The following OXR1 variants were observed in gnomAD, a reference collection of about 807,000 sequenced individuals.
OXR1 encodes oxidation resistance protein 1.
OXR1 carries 41 observed loss-of-function variants against 104.6 expected under a neutral mutation model. That is an observed-to-expected ratio of 0.39 (90% CI 0.31 to 0.51). The LOEUF (loss-of-function observed/expected upper bound fraction) is 0.51, where lower values mean the gene tolerates loss of function less well. Ranked by LOEUF, OXR1 falls within the 20% of genes least tolerant of loss-of-function variation. The probability of loss-of-function intolerance (pLI) is 0.77; values close to 1 mark genes in which losing one functional copy is unlikely to be tolerated. For synonymous variants in OXR1, 348 were observed against 348.4 expected (o/e 1.00, Z 0.01); for missense variants, 955 against 1,031.9 (o/e 0.93, Z 1.02).
intron 10 of OXR1, among the ~76,000 whole-genome samples, chr8:106,713,011 A>G (rs1233852892): frequency 6.6e-6 from 1 of 151,976 alleles, no homozygotes; most frequent in Admixed American, 6.6e-5. Flanking sequence ...AAACTGCTGC[A>G]TAGATAGTGA....
chr8:106,611,153 A>G (rs1193848172), intron 3 of OXR1, among the ~76,000 whole-genome samples: 2 of 152,216 alleles, frequency 1.3e-5, no homozygotes, highest in Non-Finnish European at 1.5e-5. Flanking sequence ...ACACCCCTCT[A>G]AAGAGGAGGT....
Position 106,697,594 on chromosome 8 carries a change from T to C in OXR1, c.675+4717T>C, listed in dbSNP as rs543664865. 2.5e-6 allele frequency: 4 copies of C among 1,611,898 alleles called. No homozygotes were observed. The East Asian group carries it at 6.7e-5, about 27-fold the overall frequency. ...GGGATCCCCAGAGAAGAGCCCATCA[T>C]CCCAGGCTACTGCCAACCCACCCAG... On this transcript the variant is annotated intron_variant, in intron 7 of 16. Transcript: ENST00000517566.
intron 2 of OXR1, among the ~76,000 whole-genome samples, chr8:106,429,521 A>C (rs1819272699): frequency 6.6e-6 from 1 of 151,948 alleles, no homozygotes; most frequent in South Asian, 2.1e-4. Flanking sequence ...TTAGCCAGGC[A>C]TGGTAGTGTG....
intron 16 of OXR1, among the ~76,000 whole-genome samples, chr8:106,748,298 G>T (rs1237897258): frequency 6.6e-6 from 1 of 152,136 alleles, no homozygotes; most frequent in Non-Finnish European, 1.5e-5. Context: ...GGGGCATTTT[G>T]GGGACGATAT....
chr8:106,416,333 G>A (rs879294777), intron 2 of OXR1, among the ~76,000 whole-genome samples: 2 of 151,948 alleles, frequency 1.3e-5, no homozygotes, highest in Non-Finnish European at 2.9e-5. Flanking sequence ...TTTCTATATT[G>A]TCATTTTAAA....
rs142325178 is a variant in OXR1 at position 106,457,233 on chromosome 8, C to T, written c.24-61710C>T. Among the ~76,000 whole-genome samples, 7 of 152,174 alleles carry T rather than the reference C, an allele frequency of 4.6e-5. No individual in the cohort carries two copies. In the East Asian group the frequency reaches 1.4e-3, roughly 29 times the overall value. On this transcript the variant is annotated intron_variant, in intron 2 of 16. Coordinates refer to ENST00000517566, the MANE Select transcript of OXR1 (RefSeq NM_001198533.2). ...TCCCAGAAGTGGGTTAGTTAGTTGT[C>T]TTGGGATAGGTTTCTGATAAAAAGA...
intron 2 of OXR1, among the ~76,000 whole-genome samples, chr8:106,439,242 T>C (rs891359272): frequency 7.9e-5 from 12 of 151,878 alleles, no homozygotes; most frequent in African/African-American, 2.9e-4. Context: ...GGTGATGGGA[T>C]TAAGTGCCCT....
chr8:106,658,649 G>A (rs2131070727), intron 3 of OXR1, among the ~76,000 whole-genome samples: 1 of 152,298 alleles, frequency 6.6e-6, no homozygotes, highest in South Asian at 2.1e-4. Context: ...AAAATAAAAA[G>A]CCAGATACTT....
chr8:106,498,975 ACAAGG>A (rs1811593946), intron 2 of OXR1, among the ~76,000 whole-genome samples: 1 of 22,220 alleles, frequency 4.5e-5, no homozygotes, highest in African/African-American at 1.9e-4. Flanking sequence ...ATCCTGGCTA[ACAAGG>A]TGAAACCCCG....
chr8:106,355,691 GT>G (rs962475143), intron 1 of OXR1, among the ~76,000 whole-genome samples: 23 of 151,698 alleles, frequency 1.5e-4, no homozygotes, highest in Non-Finnish European at 2.2e-4. Flanking sequence ...AAACATGTAA[GT>G]TTTTTTTCTT....
chr8:106,665,199 T>TCA (rs139048099), intron 3 of OXR1, among the ~76,000 whole-genome samples: 20 of 150,890 alleles, frequency 1.3e-4, no homozygotes, highest in South Asian at 6.3e-4. Context: ...CAGGGCACAG[T>TCA]CACACACACA....
intron 2 of OXR1, among the ~76,000 whole-genome samples, chr8:106,487,116 C>T (rs1810715044): frequency 2.0e-5 from 3 of 151,232 alleles, no homozygotes; most frequent in Non-Finnish European, 2.9e-5. Flanking sequence ...CTTCACCTCC[C>T]GGGTTCAAGC....
At chr8:106,625,056 C>T (rs543513133) in intron 3 of OXR1, among the ~76,000 whole-genome samples, 56 of 152,184 alleles carry the variant, frequency 3.7e-4, no homozygotes, top group Non-Finnish European at 6.5e-4. Context: ...CCTCCCAAAG[C>T]GCTAGAATTA....
At chr8:106,597,250 C>T (rs1819603921) in intron 3 of OXR1, among the ~76,000 whole-genome samples, 1 of 151,988 alleles carries the variant, frequency 6.6e-6, no homozygotes, top group African/African-American at 2.4e-5. Flanking sequence ...GGGCAGAGGC[C>T]TCATAAATGG....
At chr8:106,542,133 C>A (rs982881932) in intron 3 of OXR1, among the ~76,000 whole-genome samples, 22 of 152,106 alleles carry the variant, frequency 1.4e-4, no homozygotes, top group African/African-American at 4.8e-4. Context: ...ACAAAGAGGG[C>A]ACAATTATTT....
intron 3 of OXR1, among the ~76,000 whole-genome samples, chr8:106,659,204 C>T (rs1825491323): frequency 6.6e-6 from 1 of 152,200 alleles, no homozygotes; most frequent in Admixed American, 6.5e-5. Context: ...AGTGATCCTC[C>T]TGCCTAGGCC....
intron 1 of OXR1, among the ~76,000 whole-genome samples, chr8:106,352,677 G>A (rs183266636): frequency 1.3e-5 from 2 of 152,070 alleles, no homozygotes; most frequent in Non-Finnish European, 2.9e-5. Flanking sequence ...TATTGATGGG[G>A]AAATATTGTA....
intron 2 of OXR1, among the ~76,000 whole-genome samples, chr8:106,444,383 T>C (rs1457588081): frequency 1.3e-5 from 2 of 152,176 alleles, no homozygotes; most frequent in Non-Finnish European, 2.9e-5. Flanking sequence ...TAAAGATTCA[T>C]GCACACATGT....
At chr8:106,428,657 A>G (rs1819234194) in intron 2 of OXR1, among the ~76,000 whole-genome samples, 1 of 150,638 alleles carries the variant, frequency 6.6e-6, no homozygotes, top group Non-Finnish European at 1.5e-5. Flanking sequence ...AAATGACACT[A>G]GACTTGGGCT....
Sources: allele counts gnomAD v4.1 joint callset (sites outside exome capture counted in the v4.1 genomes callset), GRCh38; gene constraint gnomAD v4.1.1; transcripts MANE v1.5; gene names NCBI Gene and HGNC (gene_info 2026-07-23, HGNC 2026-07-21).